NRG1: variants seen among roughly 807,000 people sequenced by gnomAD.
The protein encoded by NRG1 is pro-neuregulin-1, membrane-bound isoform.
NRG1 carries 18 observed loss-of-function variants against 63.8 expected under a neutral mutation model. The ratio of observed to expected loss-of-function variants is 0.28; its 90% confidence interval spans 0.19 to 0.42. The LOEUF is 0.42. Among genes scored for constraint, NRG1 ranks in the 10% least tolerant of loss-of-function variants. NRG1 has a pLI of 1.00. For synonymous variants in NRG1, 302 were observed against 301.3 expected, an observed-to-expected ratio of 1.00 and a Z score of -0.02; for missense variants, 762 against 814.7, an observed-to-expected ratio of 0.94 and a Z score of 0.79.
chr8:32,490,079 G>A (rs1020398790), intron 1 of NRG1, among the ~76,000 whole-genome samples: 2 of 152,182 alleles, frequency 1.3e-5, no homozygotes, highest in African/African-American at 2.4e-5. Flanking sequence ...CAAGGTAGGA[G>A]GATATCTTGA....
chr8:31,760,551 A>G (rs1457550690), intron 1 of NRG1, among the ~76,000 whole-genome samples: 1 of 152,174 alleles, frequency 6.6e-6, no homozygotes, highest in East Asian at 1.9e-4. Flanking sequence ...CAACCTACTC[A>G]TCTGACAAAG....
intron 1 of NRG1, among the ~76,000 whole-genome samples, chr8:32,097,918 C>A (rs1264762909): frequency 1.3e-5 from 2 of 152,074 alleles, no homozygotes; most frequent in Non-Finnish European, 2.9e-5. Flanking sequence ...GTCTGGAACT[C>A]AAGGAAGAGG....
At chr8:32,626,334 CAAGAGG>C (rs1239043431) in intron 5 of NRG1, among the ~76,000 whole-genome samples, 2 of 150,516 alleles carry the variant, frequency 1.3e-5, no homozygotes, top group Admixed American at 1.3e-4. Flanking sequence ...TAAAATATGG[CAAGAGG>C]AAGACTTTCA....
intron 1 of NRG1, among the ~76,000 whole-genome samples, chr8:32,353,349 TTAAAA>T (rs1229216155): frequency 7.3e-5 from 11 of 151,330 alleles, no homozygotes; most frequent in Non-Finnish European, 1.3e-4. Context: ...ATTTAAAATC[TTAAAA>T]TAATGATTAT....
chr8:31,967,302 TTCCTTA>T (rs1806513475), intron 1 of NRG1, among the ~76,000 whole-genome samples: 1 of 152,138 alleles, frequency 6.6e-6, no homozygotes, highest in Non-Finnish European at 1.5e-5. Context: ...ATTTCCCCTT[TTCCTTA>T]TCCTCTTCCT....
chr8:32,130,529 T>C lies in NRG1; in HGVS notation c.38-465299T>C, dbSNP rs753906211. Among the ~76,000 whole-genome samples, 32 of 151,906 alleles carry C rather than the reference T, an allele frequency of 2.1e-4. 2 individuals carry two copies. The highest frequency in any genetic ancestry group is 2.0e-3 in the Admixed American group (31 of 15,216). Reference sequence around the variant, plus strand: ...TTCCAGGCATTACCCAAAAAGTCCATGTTTGCCTTGTTTCAAGCCTAGAGT... The same window carrying C: ...TTCCAGGCATTACCCAAAAAGTCCACGTTTGCCTTGTTTCAAGCCTAGAGT... On this transcript the variant is annotated intron_variant, in intron 1 of 10. Transcript: ENST00000519301.
intron 1 of NRG1, among the ~76,000 whole-genome samples, chr8:32,470,376 T>A (rs1016256595): frequency 4.6e-5 from 7 of 151,866 alleles, no homozygotes; most frequent in Non-Finnish European, 8.8e-5. Flanking sequence ...TTTTTCTTTT[T>A]TGTATTTTTA....
chr8:31,782,416 C>G (rs1586374690), intron 1 of NRG1, among the ~76,000 whole-genome samples: 1 of 152,244 alleles, frequency 6.6e-6, no homozygotes, highest in East Asian at 1.9e-4. Flanking sequence ...TACCTGATAA[C>G]ACTAATGACC....
chr8:32,314,826 G>C (rs979347656), intron 1 of NRG1, among the ~76,000 whole-genome samples: 1 of 151,954 alleles, frequency 6.6e-6, no homozygotes, highest in Non-Finnish European at 1.5e-5. Flanking sequence ...TTCCATAATC[G>C]CTCCCCATCT....
At chr8:32,401,011 G>A (rs1391783645) in intron 1 of NRG1, among the ~76,000 whole-genome samples, 1 of 152,180 alleles carries the variant, frequency 6.6e-6, no homozygotes, top group Non-Finnish European at 1.5e-5. Flanking sequence ...TGGAGCTGGA[G>A]GCCATTATCC....
At chr8:32,572,787 C>T (rs996402495) in intron 1 of NRG1, among the ~76,000 whole-genome samples, 1 of 152,154 alleles carries the variant, frequency 6.6e-6, no homozygotes, top group Non-Finnish European at 1.5e-5. Context: ...TAACTGTCCT[C>T]ACCCAAGGGT....
intron 1 of NRG1, among the ~76,000 whole-genome samples, chr8:32,388,504 G>T (rs757416589): frequency 7.2e-5 from 11 of 152,118 alleles, no homozygotes; most frequent in African/African-American, 1.4e-4. Flanking sequence ...CTTTTAAGTG[G>T]CTACAATGAC....
intron 1 of NRG1, among the ~76,000 whole-genome samples, chr8:32,409,864 T>C (rs1424580954): frequency 6.6e-6 from 1 of 152,190 alleles, no homozygotes; most frequent in Non-Finnish European, 1.5e-5. Flanking sequence ...GGAAGGGTGA[T>C]GGAGATGCTC....
intron 1 of NRG1, among the ~76,000 whole-genome samples, chr8:32,303,253 C>T (rs1327967935): frequency 1.5e-5 from 2 of 131,758 alleles, no homozygotes; most frequent in African/African-American, 2.8e-5. Flanking sequence ...TTACACAAAA[C>T]ACTTGTTGCC....
intron 1 of NRG1, among the ~76,000 whole-genome samples, chr8:31,958,819 A>G (rs1251855345): frequency 6.6e-6 from 1 of 152,164 alleles, no homozygotes; most frequent in East Asian, 1.9e-4. Flanking sequence ...TAACTCCTGA[A>G]TTCATTCATC....
rs527555599 is a variant in NRG1 at position 32,066,963 on chromosome 8, G to A, written c.37+427532G>A. Among the ~76,000 whole-genome samples the A allele has an allele frequency of 6.8e-3, 1,028 of 152,218 alleles. 12 individuals are homozygous for A. Among genetic ancestry groups the A allele is most frequent in the African/African-American group, 0.023 (937 of 41,544 alleles). ...CTCTTTGAAGCAATTGTGAATGGGA[G>A]TTCACTCATGATTTGGCTCTCTGTT... On this transcript the variant is annotated intron_variant, in intron 1 of 10. Transcript: ENST00000519301.
chr8:32,055,242 G>A (rs1053976808), intron 1 of NRG1, among the ~76,000 whole-genome samples: 2 of 152,056 alleles, frequency 1.3e-5, no homozygotes, highest in African/African-American at 4.8e-5. Flanking sequence ...GACATAATAT[G>A]TGATAGTTTT....
chr8:32,011,070 G>A (rs2129937276), intron 1 of NRG1, among the ~76,000 whole-genome samples: 1 of 152,146 alleles, frequency 6.6e-6, no homozygotes, highest in South Asian at 2.1e-4. Context: ...ATACAAAAGA[G>A]AAATGAATGG....
chr8:32,367,051 A>G lies in NRG1; in HGVS notation c.38-228777A>G, dbSNP rs575646148. On this transcript the variant is annotated intron_variant, in intron 1 of 10. Coordinates refer to the NRG1 transcript ENST00000519301. ...TCCATTCATCCATTGATGGACATTT[A>G]GGTTGCTTCCATATCTTGGCTGTTG... 2.0e-5 allele frequency among the ~76,000 whole-genome samples: 3 copies of G among 152,166 alleles called. No homozygotes were observed. In the East Asian group the frequency reaches 5.8e-4, roughly 29 times the overall value.
Sources: allele counts gnomAD v4.1 joint callset (sites outside exome capture counted in the v4.1 genomes callset), GRCh38; gene constraint gnomAD v4.1.1; transcripts MANE v1.5; gene names NCBI Gene and HGNC (gene_info 2026-07-23, HGNC 2026-07-21).